The following FBXL7 variants were observed in gnomAD, a reference collection of about 807,000 sequenced individuals.
FBXL7 encodes the protein F-box/LRR-repeat protein 7.
Under a neutral mutation model 38.3 loss-of-function variants are expected in FBXL7, and 12 were observed. The observed-to-expected ratio is 0.31, with a 90% CI of 0.20 to 0.51. The LOEUF (loss-of-function observed/expected upper bound fraction) is 0.51, where lower values mean the gene tolerates loss of function less well. FBXL7 is among the 20% of genes least tolerant of loss of function. The pLI is 0.98. For missense variants in FBXL7, 567 were observed against 676.4 expected (o/e 0.84, Z 1.79); for synonymous variants, 297 against 300.9 (o/e 0.99, Z 0.13).
chr5:15,584,810 AAG>A (rs561720962), intron 1 of FBXL7, among the ~76,000 whole-genome samples: 2 of 152,238 alleles, frequency 1.3e-5, no homozygotes, highest in Non-Finnish European at 2.9e-5. Context: ...TTACAAAGGA[AAG>A]AGTTTCAATT....
intron 1 of FBXL7, among the ~76,000 whole-genome samples, chr5:15,583,354 C>T (rs1265969899): frequency 6.6e-6 from 1 of 152,154 alleles, no homozygotes; most frequent in Admixed American, 6.5e-5. Context: ...TTCCAACATT[C>T]CCCCAAAGTC....
chr5:15,630,242 ATCAATT>A (rs59134599), intron 2 of FBXL7, among the ~76,000 whole-genome samples: 24,000 of 152,050 alleles, frequency 0.16, 1,964 homozygotes, highest in Non-Finnish European at 0.18. Flanking sequence ...GCCCTCCCAC[ATCAATT>A]TCAAGGACAA....
At chr5:15,510,642 T>G (rs1009972500) in intron 1 of FBXL7, among the ~76,000 whole-genome samples, 15 of 152,202 alleles carry the variant, frequency 9.9e-5, no homozygotes, top group African/African-American at 3.6e-4. Flanking sequence ...TGCCCTCTAA[T>G]GTAAAAAGAA....
chr5:15,764,040 C>G (rs191027849), intron 2 of FBXL7, among the ~76,000 whole-genome samples: 1 of 152,336 alleles, frequency 6.6e-6, no homozygotes, highest in East Asian at 1.9e-4. Flanking sequence ...GAAGGCTCTA[C>G]AGTTTGGAGT....
At chr5:15,544,871 C>T (rs1405637856) in intron 1 of FBXL7, among the ~76,000 whole-genome samples, 5 of 152,128 alleles carry the variant, frequency 3.3e-5, no homozygotes, top group East Asian at 1.9e-4. Context: ...TCTTTTTAGC[C>T]GTCTTATTCA....
intron 2 of FBXL7, among the ~76,000 whole-genome samples, chr5:15,707,173 CGTT>C (rs1743709731): frequency 5.1e-5 from 2 of 39,174 alleles, no homozygotes; most frequent in South Asian, 1.0e-3. Flanking sequence ...TTTTTCTTTT[CGTT>C]TTTTTTTTTT....
chr5:15,690,043 A>C (rs779602700), intron 2 of FBXL7, among the ~76,000 whole-genome samples: 1 of 152,226 alleles, frequency 6.6e-6, no homozygotes, highest in Non-Finnish European at 1.5e-5. Context: ...GTTATGTGCA[A>C]AATTGTTTCT....
At chr5:15,679,895 C>T (rs1338198292) in intron 2 of FBXL7, among the ~76,000 whole-genome samples, 9 of 152,104 alleles carry the variant, frequency 5.9e-5, no homozygotes, top group Non-Finnish European at 1.3e-4. Flanking sequence ...AAAAAATAGA[C>T]ATTTGTACCA....
intron 2 of FBXL7, among the ~76,000 whole-genome samples, chr5:15,734,260 T>A (rs1735691013): frequency 6.6e-6 from 1 of 152,214 alleles, no homozygotes; most frequent in Admixed American, 6.5e-5. Context: ...CCATGCTGCC[T>A]CACCGTGGCG....
chr5:15,687,254 T>C (rs1743041311), intron 2 of FBXL7, among the ~76,000 whole-genome samples: 2 of 152,268 alleles, frequency 1.3e-5, no homozygotes, highest in Non-Finnish European at 2.9e-5. Flanking sequence ...CTGATTGTAA[T>C]TCAAAAGCCC....
chr5:15,927,801 AAG>A, intron 2 of FBXL7, 87 bp from the exon 3 acceptor site: 3 of 1,000,836 alleles, frequency 3.0e-6, no homozygotes, highest in Non-Finnish European at 4.1e-6. Flanking sequence ...GAAGAAAGAA[AAG>A]AAAAGAAAGA....
chr5:15,623,331 A>C (rs60892211), intron 2 of FBXL7, among the ~76,000 whole-genome samples: 4,718 of 152,280 alleles, frequency 0.031, 112 homozygotes, highest in East Asian at 0.054. Context: ...TCAACTCATG[A>C]TTTTATAATA....
At chr5:15,616,989 T>C (rs577899802) in intron 2 of FBXL7, among the ~76,000 whole-genome samples, 2 of 152,238 alleles carry the variant, frequency 1.3e-5, no homozygotes, top group Non-Finnish European at 2.9e-5. Flanking sequence ...GTTTCAGATA[T>C]TTAATTTCTG....
At chr5:15,537,115 G>A (rs1030294254) in intron 1 of FBXL7, among the ~76,000 whole-genome samples, 6 of 152,084 alleles carry the variant, frequency 3.9e-5, no homozygotes, top group African/African-American at 7.2e-5. Context: ...TGAGGACTTC[G>A]CAGCCATGTG....
At chr5:15,831,965 G>A (rs543957026) in intron 2 of FBXL7, among the ~76,000 whole-genome samples, 16 of 152,072 alleles carry the variant, frequency 1.1e-4, no homozygotes, top group South Asian at 8.3e-4. Context: ...CCTTCCCATC[G>A]CTGGCCTTCA....
intron 1 of FBXL7, among the ~76,000 whole-genome samples, chr5:15,523,317 G>A (rs1055599317): frequency 1.3e-5 from 2 of 152,168 alleles, no homozygotes; most frequent in Non-Finnish European, 2.9e-5. Flanking sequence ...CCAGCACTTT[G>A]GGAGGCCAAG....
At chr5:15,738,654 A>G (rs976072141) in intron 2 of FBXL7, among the ~76,000 whole-genome samples, 6 of 152,220 alleles carry the variant, frequency 3.9e-5, no homozygotes, top group Non-Finnish European at 8.8e-5. Context: ...GCGAACACCC[A>G]TGGCATCATA....
At chr5:15,834,436 G>A (rs936484993) in intron 2 of FBXL7, among the ~76,000 whole-genome samples, 1 of 152,048 alleles carries the variant, frequency 6.6e-6, no homozygotes, top group Non-Finnish European at 1.5e-5. Context: ...CCTCATTAAG[G>A]TGTTAAAGAG....
rs1367503941 is a variant in FBXL7, at chr5:15,939,786, G to A, written c.*2600G>A. On this transcript the variant is annotated 3_prime_UTR_variant, in exon 4 of 4. Coordinates refer to ENST00000504595, the MANE Select transcript of FBXL7 (RefSeq NM_012304.5). ...TTACTACCAAGAAATAAAGCAATAT[G>A]TTCGTAATCAGCCTCAGCTTCATTT... is the stretch of plus-strand genomic sequence containing the variant. 6.6e-6 allele frequency: 1 copy of A among 152,590 alleles called. No individual in the cohort carries two copies. Among genetic ancestry groups the A allele is most frequent in the Non-Finnish European group, 1.5e-5 (1 of 68,038 alleles). 9.5% of individuals were successfully genotyped at this position (152,590 alleles called of 1,614,324 possible). A position where few individuals can be genotyped will look rare whatever the true frequency, so the allele number is the denominator to read the frequency against.
Sources: allele counts gnomAD v4.1 joint callset (sites outside exome capture counted in the v4.1 genomes callset), GRCh38; gene constraint gnomAD v4.1.1; transcripts MANE v1.5; gene names NCBI Gene and HGNC (gene_info 2026-07-23, HGNC 2026-07-21).